Variants in UBE2G1 observed in about 807,000 individuals in gnomAD.
The protein encoded by UBE2G1 is ubiquitin-conjugating enzyme E2 G1.
Under a neutral mutation model 22.7 loss-of-function variants are expected in UBE2G1, and 5 were observed. That is an observed-to-expected ratio of 0.22 (90% confidence interval 0.12 to 0.46). The LOEUF is 0.46. UBE2G1 is among the 20% of genes least tolerant of loss of function. The probability of loss-of-function intolerance (pLI) is 0.99; values close to 1 mark genes in which losing one functional copy is unlikely to be tolerated. For missense variants in UBE2G1, 88 were observed against 203.9 expected (o/e 0.43, Z 3.46); for synonymous variants, 74 against 67.5 (o/e 1.10, Z -0.47).
chr17:4,277,056 T>TGA (rs1968829527), intron 5 of UBE2G1, among the ~76,000 whole-genome samples: 1 of 152,190 alleles, frequency 6.6e-6, no homozygotes, highest in Non-Finnish European at 1.5e-5. Flanking sequence ...AATGACTGCC[T>TGA]CCCTCAAGGC....
At chr17:4,325,739 A>C (rs774182248) in intron 1 of UBE2G1, among the ~76,000 whole-genome samples, 17 of 152,334 alleles carry the variant, frequency 1.1e-4, no homozygotes, top group Non-Finnish European at 2.2e-4. Context: ...CAATAATCAA[A>C]ACACTGTGGT....
At chr17:4,355,255 G>C (rs1051749604) in intron 1 of UBE2G1, among the ~76,000 whole-genome samples, 9 of 150,880 alleles carry the variant, frequency 6.0e-5, no homozygotes, top group Non-Finnish European at 1.0e-4. Context: ...CACCTGCCTC[G>C]GCCTCCCAAA....
intron 3 of UBE2G1, among the ~76,000 whole-genome samples, chr17:4,294,049 T>C (rs1969075649): frequency 6.6e-6 from 1 of 152,174 alleles, no homozygotes; most frequent in South Asian, 2.1e-4. Context: ...TATGTACAGC[T>C]TTAAATGTCA....
At chr17:4,338,419 A>C (rs1311387573) in intron 1 of UBE2G1, among the ~76,000 whole-genome samples, 1 of 152,236 alleles carries the variant, frequency 6.6e-6, no homozygotes, top group Admixed American at 6.5e-5. Flanking sequence ...CATCTAACAG[A>C]ATTAGAAAAC....
intron 1 of UBE2G1, among the ~76,000 whole-genome samples, chr17:4,347,469 C>CTTCT (rs1365147905): frequency 2.2e-5 from 2 of 89,556 alleles, no homozygotes; most frequent in Non-Finnish European, 4.1e-5. Context: ...AGTATTTCTT[C>CTTCT]TTTTTTTTTT....
rs1970036189 is a variant in UBE2G1 at position 4,366,400 on chromosome 17, C to G, written c.-84G>C. On this transcript the variant is annotated 5_prime_UTR_variant, in exon 1 of 6. Transcript: ENST00000396981. ...TGGGGGCGGCTGGAGCGGGGTGTGC[C>G]GAGGAACCCGGGCCCCGCGACCGGA... 4 of 1,322,398 alleles carry G rather than the reference C, an allele frequency of 3.0e-6. No homozygotes were observed. The highest frequency in any genetic ancestry group is 1.9e-5 in the South Asian group (1 of 53,878). 81.9% of individuals were successfully genotyped at this position (1,322,398 alleles called of 1,614,324 possible).
chr17:4,307,302 G>C (rs1256835967), intron 1 of UBE2G1, among the ~76,000 whole-genome samples, 179 bp from the exon 2 acceptor site: 1 of 152,154 alleles, frequency 6.6e-6, no homozygotes, highest in African/African-American at 2.4e-5. Context: ...CTGTAAGAAA[G>C]CCCTGGGTAA....
At chr17:4,298,227 A>AG (rs1969133217) in intron 2 of UBE2G1, among the ~76,000 whole-genome samples, 2 of 152,148 alleles carry the variant, frequency 1.3e-5, no homozygotes, top group Non-Finnish European at 2.9e-5. Context: ...TGAGAGGCTG[A>AG]GGGGGGAAGG....
intron 1 of UBE2G1, among the ~76,000 whole-genome samples, chr17:4,309,966 A>G (rs954358102): frequency 6.6e-6 from 1 of 152,222 alleles, no homozygotes; most frequent in African/African-American, 2.4e-5. Context: ...TTCTACAGGC[A>G]TAATTGTGTC....
At chr17:4,357,589 T>G (rs1969922719) in intron 1 of UBE2G1, among the ~76,000 whole-genome samples, 1 of 150,404 alleles carries the variant, frequency 6.6e-6, no homozygotes, top group South Asian at 2.1e-4. Context: ...GATACAAGAC[T>G]GTTCATCACC....
intron 2 of UBE2G1, among the ~76,000 whole-genome samples, chr17:4,303,447 A>T (rs1969210491): frequency 4.6e-5 from 7 of 152,198 alleles, no homozygotes; most frequent in Admixed American, 4.6e-4. Context: ...AACATTTCCT[A>T]AGCATAGGGT....
intron 5 of UBE2G1, among the ~76,000 whole-genome samples, chr17:4,279,544 C>G (rs1968858530): frequency 6.6e-6 from 1 of 152,012 alleles, no homozygotes; most frequent in African/African-American, 2.4e-5. Context: ...TAAAAAAGAA[C>G]AGGCTCTCTA....
rs573475785 is a variant in UBE2G1, at chr17:4,329,989, G to A, written c.47-22866C>T. Among the ~76,000 whole-genome samples, 4 of 152,040 alleles carry A rather than the reference G, an allele frequency of 2.6e-5. No individual in the cohort carries two copies. In the South Asian group the frequency reaches 6.3e-4, roughly 24 times the overall value. On this transcript the variant is annotated intron_variant, in intron 1 of 5. Coordinates refer to ENST00000396981, the MANE Select transcript of UBE2G1 (RefSeq NM_003342.5). ...CTCACCAGGAGAAAGCTTAAGTATC[G>A]TGCTCTTTGAGTGGAAAGACTAGCT...
At chr17:4,348,358 C>A (rs1432094437) in intron 1 of UBE2G1, among the ~76,000 whole-genome samples, 1 of 150,228 alleles carries the variant, frequency 6.7e-6, no homozygotes, top group African/African-American at 2.5e-5. Context: ...TCGAGACCAT[C>A]CCGGCTAAAA....
rs1364603382 is a variant in UBE2G1 at position 4,270,679 on chromosome 17, TAAAG to T, written c.*1871_*1874del. The T allele has an allele frequency of 2.0e-5, 3 of 152,038 alleles. No individual in the cohort carries two copies. The highest frequency in any genetic ancestry group is 7.2e-5 in the African/African-American group (3 of 41,404). The allele number at this position is 152,038 out of a possible 1,614,324, so 9.4% of individuals were successfully genotyped here. A position where few individuals can be genotyped will look rare whatever the true frequency, so the allele number is the denominator to read the frequency against. Reference sequence around the variant, plus strand: ...AAAAAAAACCAAGTCACAAAGTTCTTAAAGAAAACTGGGTTCTAATGAATCAATT... The same window carrying T: ...AAAAAAAACCAAGTCACAAAGTTCTTAAAACTGGGTTCTAATGAATCAATT... On this transcript the variant is annotated 3_prime_UTR_variant, in exon 6 of 6. Coordinates refer to ENST00000396981, the MANE Select transcript of UBE2G1 (RefSeq NM_003342.5).
Position 4,348,243 on chromosome 17 carries a change from G to T in UBE2G1, c.46+18028C>A, listed in dbSNP as rs149397782. ...ACTGCACTCCAGTCTAGGTGACAGA[G>T]CAAGACCCTGTCTGTAAAGAAAAAA... On this transcript the variant is annotated intron_variant, in intron 1 of 5. Transcript: ENST00000396981. 1.9e-3 allele frequency among the ~76,000 whole-genome samples: 290 copies of T among 152,110 alleles called. 1 individual carries two copies. Among genetic ancestry groups the T allele is most frequent in the African/African-American group, 6.5e-3 (269 of 41,490 alleles).
chr17:4,284,839 T>C (rs1430730596), intron 4 of UBE2G1, among the ~76,000 whole-genome samples: 4 of 14,364 alleles, frequency 2.8e-4, no homozygotes, highest in Admixed American at 9.0e-4. Flanking sequence ...CTTTTCTTTC[T>C]TTTTTTTTTT....
rs1019776088 is a variant in UBE2G1 at position 4,334,070 on chromosome 17, G to GT, written c.47-26948dup. Reference sequence around the variant, plus strand: ...GAACATGTCAGTTATAATTTCCATGGTTTTTTTTTTTTGACAGGGTCTCAC... The same window carrying GT: ...GAACATGTCAGTTATAATTTCCATGGTTTTTTTTTTTTTGACAGGGTCTCAC... On this transcript the variant is annotated intron_variant, in intron 1 of 5. Transcript: ENST00000396981. Among the ~76,000 whole-genome samples, 471 of 145,460 alleles carry GT rather than the reference G, an allele frequency of 3.2e-3. 4 individuals carry two copies. Among genetic ancestry groups the GT allele is most frequent in the East Asian group, 0.016 (83 of 5,046 alleles).
intron 1 of UBE2G1, among the ~76,000 whole-genome samples, chr17:4,329,103 C>CA (rs1969535989): frequency 4.2e-5 from 2 of 47,102 alleles, no homozygotes; most frequent in African/African-American, 9.6e-5. Context: ...GACTCCGTCT[C>CA]AAAAAGAAAA....
Sources: gnomAD v4.1 joint callset for allele counts (sites outside exome capture counted in the v4.1 genomes callset) on GRCh38, gnomAD v4.1.1 for gene constraint, MANE v1.5 for transcripts, NCBI Gene and HGNC (gene_info 2026-07-23, HGNC 2026-07-21) for gene names.